Variants in CPNE4 observed in about 807,000 individuals in gnomAD.
CPNE4 encodes the protein copine 4.
Under a neutral mutation model 67.9 loss-of-function variants are expected in CPNE4, and 25 were observed. The observed-to-expected ratio is 0.37, with a 90% CI of 0.27 to 0.51. The LOEUF is 0.51. Among genes scored for constraint, CPNE4 ranks in the 20% least tolerant of loss-of-function variants. The pLI, the probability that CPNE4 is intolerant of heterozygous loss-of-function variation, is 0.93. For missense variants in CPNE4, 464 were observed against 690.8 expected, an observed-to-expected ratio of 0.67 and a Z score of 3.68; for synonymous variants, 242 against 244.9, an observed-to-expected ratio of 0.99 and a Z score of 0.11.
In CPNE4 at chr3:131,726,546, A is replaced by G. The variant is rs573436805; in HGVS notation, c.181-2921T>C. On this transcript the variant is annotated intron_variant, in intron 2 of 15. Coordinates refer to ENST00000429747, the MANE Select transcript of CPNE4 (RefSeq NM_130808.3). ...TGAAAGATGTTTTAAAATATTATGCATTTCCAGTTATTATGGAAGATGCAT... is the reference window on the plus strand; with the variant it reads ...TGAAAGATGTTTTAAAATATTATGCGTTTCCAGTTATTATGGAAGATGCAT... Among the ~76,000 whole-genome samples, 116 of 152,286 alleles carry G rather than the reference A, an allele frequency of 7.6e-4. No homozygotes were observed. The Middle Eastern group carries it at 0.014, about 18-fold the overall frequency.
At chr3:131,569,653 C>CA (rs71133700) in intron 10 of CPNE4, among the ~76,000 whole-genome samples, 2,369 of 96,350 alleles carry the variant, frequency 0.025, 24 homozygotes, top group Non-Finnish European at 0.039. Flanking sequence ...ACAAAAAAAA[C>CA]AAAAAAAAAC....
In CPNE4 at chr3:131,818,915, C is replaced by A. The variant is rs1583261578; in HGVS notation, c.180+86349G>T. Among the ~76,000 whole-genome samples, 3 of 152,136 alleles carry A rather than the reference C, an allele frequency of 2.0e-5. No individual in the cohort carries two copies. The East Asian group carries it at 5.8e-4, about 29-fold the overall frequency. On this transcript the variant is annotated intron_variant, in intron 2 of 15. Transcript: ENST00000429747. ...AAGGGTTTAAGACCAGCCTGGCCGA[C>A]ATGGTGAAACCCCATCTCTACTAAA...
chr3:131,945,696 G>A (rs1207240760), intron 1 of CPNE4, among the ~76,000 whole-genome samples: 1 of 152,018 alleles, frequency 6.6e-6, no homozygotes, highest in Admixed American at 6.6e-5. Context: ...TTTATTTTTT[G>A]TAGTTATTTC....
At chr3:131,662,328 G>C (rs2080147372) in intron 7 of CPNE4, among the ~76,000 whole-genome samples, 1 of 152,132 alleles carries the variant, frequency 6.6e-6, no homozygotes, top group Non-Finnish European at 1.5e-5. Flanking sequence ...AGATGGCCTG[G>C]TCACACATGA....
At chr3:131,977,286 G>T (rs1292523685) in intron 1 of CPNE4, among the ~76,000 whole-genome samples, 1 of 152,170 alleles carries the variant, frequency 6.6e-6, no homozygotes, top group East Asian at 1.9e-4. Context: ...TTGTTTCAAA[G>T]TGGACCAAGT....
intron 1 of CPNE4, among the ~76,000 whole-genome samples, chr3:131,960,860 A>G (rs954795589): frequency 1.3e-5 from 2 of 152,070 alleles, no homozygotes; most frequent in Admixed American, 1.3e-4. Context: ...CCTCAAGGAG[A>G]TAGATTTGAG....
intron 2 of CPNE4, among the ~76,000 whole-genome samples, chr3:131,773,142 C>T (rs1001638807): frequency 6.6e-6 from 1 of 151,930 alleles, no homozygotes; most frequent in African/African-American, 2.4e-5. Flanking sequence ...AATCTCGTAG[C>T]CTGCCAAATG....
rs115574462 is a variant in CPNE4 at position 131,902,212 on chromosome 3, T to C, written c.180+3052A>G. Among the ~76,000 whole-genome samples the C allele has an allele frequency of 9.7e-3, 1,473 of 152,204 alleles. 25 individuals carry two copies. Among genetic ancestry groups the C allele is most frequent in the African/African-American group, 0.034 (1,396 of 41,540 alleles). ...TAGCAATTAAGCTGATATTAATGGTTATAGAGTGAGACTTTCTAGGTAAAG... is the reference window on the plus strand; with the variant it reads ...TAGCAATTAAGCTGATATTAATGGTCATAGAGTGAGACTTTCTAGGTAAAG... On this transcript the variant is annotated intron_variant, in intron 2 of 15. Transcript: ENST00000429747.
intron 1 of CPNE4, among the ~76,000 whole-genome samples, chr3:132,027,821 T>C (rs1336000250): frequency 1.2e-5 from 1 of 81,440 alleles, no homozygotes; most frequent in Non-Finnish European, 3.0e-5. Flanking sequence ...GCCTTCTTTG[T>C]CTTTAATGAT....
chr3:131,928,549 C>T (rs1254854011), intron 1 of CPNE4, among the ~76,000 whole-genome samples: 2 of 152,188 alleles, frequency 1.3e-5, no homozygotes, highest in Non-Finnish European at 1.5e-5. Flanking sequence ...AAAGCAACAA[C>T]ATCCTGGCAG....
chr3:131,593,594 T>G (rs1473873453), intron 7 of CPNE4, among the ~76,000 whole-genome samples: 7 of 152,218 alleles, frequency 4.6e-5, no homozygotes, highest in Admixed American at 4.6e-4. Flanking sequence ...TTTGTACATA[T>G]AGGATTATAT....
chr3:131,874,093 T>C (rs1227582252), intron 2 of CPNE4, among the ~76,000 whole-genome samples: 4 of 134,766 alleles, frequency 3.0e-5, no homozygotes, highest in South Asian at 2.3e-4. Context: ...TTGTTTCTTT[T>C]CTTTTTTTTT....
At position 131,903,474 on chromosome 3, in the gene CPNE4, CAAAA is replaced by C. The variant is rs201765443; in HGVS notation, c.180+1786_180+1789del. Among the ~76,000 whole-genome samples the C allele has an allele frequency of 7.9e-5, 12 of 151,614 alleles. No individual in the cohort carries two copies. In the South Asian group the frequency reaches 1.5e-3, roughly 18 times the overall value. On this transcript the variant is annotated intron_variant, in intron 2 of 15. Coordinates refer to ENST00000429747, the MANE Select transcript of CPNE4 (RefSeq NM_130808.3). ...CAATTTGTTTGGATTTTTAAATAAACAAAAAAAACCTAGCTGCGGAATTCAACCT... is the reference window on the plus strand; with the variant it reads ...CAATTTGTTTGGATTTTTAAATAAACAAAACCTAGCTGCGGAATTCAACCT...
intron 1 of CPNE4, among the ~76,000 whole-genome samples, chr3:132,028,387 A>G (rs1279149623): frequency 1.3e-5 from 2 of 152,090 alleles, no homozygotes; most frequent in Non-Finnish European, 2.9e-5. Flanking sequence ...GTTTCTTTTC[A>G]CCAGTCTGCC....
intron 1 of CPNE4, among the ~76,000 whole-genome samples, chr3:132,004,575 AT>A (rs1288301810): frequency 6.6e-6 from 1 of 152,190 alleles, no homozygotes; most frequent in African/African-American, 2.4e-5. Flanking sequence ...TCACACTGAC[AT>A]TAAAAAAAAG....
intron 2 of CPNE4, among the ~76,000 whole-genome samples, chr3:131,746,078 A>T (rs2082480592): frequency 6.6e-6 from 1 of 152,070 alleles, no homozygotes. Flanking sequence ...TGTAGTTTTC[A>T]GCTTCAAGTT....
chr3:131,786,655 A>G (rs2083572412), intron 2 of CPNE4, among the ~76,000 whole-genome samples: 1 of 152,166 alleles, frequency 6.6e-6, no homozygotes, highest in Non-Finnish European at 1.5e-5. Context: ...AGGTACATAC[A>G]TATTCTTGCC....
At chr3:131,708,758 A>AAAG (rs2081478142) in intron 3 of CPNE4, among the ~76,000 whole-genome samples, 3 of 144,902 alleles carry the variant, frequency 2.1e-5, no homozygotes, top group African/African-American at 7.9e-5. Context: ...TAGAAGCTTC[A>AAAG]AAAGAAAGTG....
intron 1 of CPNE4, among the ~76,000 whole-genome samples, chr3:131,945,351 T>C (rs1324903146): frequency 6.6e-6 from 1 of 152,182 alleles, no homozygotes; most frequent in Non-Finnish European, 1.5e-5. Context: ...AGAGAACCTA[T>C]TGGCAAAAGT....
Sources: allele counts gnomAD v4.1 joint callset (sites outside exome capture counted in the v4.1 genomes callset), GRCh38; gene constraint gnomAD v4.1.1; transcripts MANE v1.5; gene names NCBI Gene and HGNC (gene_info 2026-07-23, HGNC 2026-07-21).